Variants in RIN2 observed in about 807,000 individuals in gnomAD.
RIN2 encodes RAB5 interacting protein 2.
Under a neutral mutation model 78.0 loss-of-function variants are expected in RIN2, and 36 were observed. The observed-to-expected ratio is 0.46, with a 90% CI of 0.35 to 0.61. The LOEUF (loss-of-function observed/expected upper bound fraction) is 0.61. Among genes scored for constraint, RIN2 ranks in the 20% least tolerant of loss-of-function variants. The probability of loss-of-function intolerance (pLI) is 0.00; values close to 1 mark genes in which losing one functional copy is unlikely to be tolerated. For synonymous variants in RIN2, 466 were observed against 466.8 expected (o/e 1.00, Z 0.02); for missense variants, 1,087 against 1,159.7 (o/e 0.94, Z 0.91).
intron 2 of RIN2, among the ~76,000 whole-genome samples, chr20:19,869,994 A>C (rs1392583212): frequency 1.3e-5 from 2 of 151,976 alleles, no homozygotes; most frequent in African/African-American, 4.8e-5. Flanking sequence ...TGGCAAGAAT[A>C]GTTCTGAGGA....
In RIN2 at chr20:19,768,922, C is replaced by CTT. The variant is rs778608472; in HGVS notation, c.-163+10611_-163+10612dup. The stretch of plus-strand genomic sequence containing the variant: ...CTTGGAAATACTTTGCTTTCTGTTT[C>CTT]TTTTTTTTTTTTTTTTTGAGACCGA... On this transcript the variant is annotated intron_variant, in intron 1 of 12. Transcript: ENST00000255006. Among the ~76,000 whole-genome samples, 874 of 135,790 alleles carry CTT rather than the reference C, an allele frequency of 6.4e-3. 16 individuals carry two copies. Among genetic ancestry groups the CTT allele is most frequent in the African/African-American group, 0.021 (753 of 36,502 alleles). The allele number at this position is 135,790 out of a possible 152,430, so 89.1% of individuals were successfully genotyped here.
chr20:19,869,121 G>A (rs1337951185), intron 2 of RIN2, among the ~76,000 whole-genome samples: 3 of 151,344 alleles, frequency 2.0e-5, no homozygotes, highest in Non-Finnish European at 4.4e-5. Context: ...ACCAGGTGGT[G>A]AGGCATTTTA....
At chr20:19,880,392 CTTTTTTTTTTTTTT>C (rs33934712) in intron 2 of RIN2, among the ~76,000 whole-genome samples, 133 of 57,430 alleles carry the variant, frequency 2.3e-3, no homozygotes, top group Non-Finnish European at 3.5e-3. Flanking sequence ...GGAAGTCATT[CTTTTTTTTTTTTTT>C]TTTTTTTTTT....
At chr20:19,835,373 CAT>C (rs1162812338) in intron 2 of RIN2, among the ~76,000 whole-genome samples, 2 of 152,096 alleles carry the variant, frequency 1.3e-5, no homozygotes, top group African/African-American at 4.8e-5. Context: ...TTGAAGTGCT[CAT>C]GTGTAAATGT....
intron 3 of RIN2, among the ~76,000 whole-genome samples, chr20:19,901,591 A>G (rs2123636010): frequency 6.6e-6 from 1 of 152,352 alleles, no homozygotes; most frequent in South Asian, 2.1e-4. Context: ...TAGCCAAAGG[A>G]ACAAATGATC....
intron 2 of RIN2, among the ~76,000 whole-genome samples, chr20:19,880,597 G>A (rs1031843399): frequency 6.6e-6 from 1 of 151,720 alleles, no homozygotes; most frequent in Middle Eastern, 3.4e-3. Context: ...TGTGCTGCTG[G>A]GCTCAAGAGA....
In RIN2 at chr20:19,944,690, C is replaced by CTTTT. The variant is rs11474376; in HGVS notation, c.158+9498_158+9501dup. Reference sequence around the variant, plus strand: ...AACACAAAAATATCAAGAGAAGTGGCTTTTTTTTTTCTTTTTCCATCTGAA... The same window carrying CTTTT: ...AACACAAAAATATCAAGAGAAGTGGCTTTTTTTTTTTTTTCTTTTTCCATCTGAA... On this transcript the variant is annotated intron_variant, in intron 4 of 12. Coordinates refer to ENST00000255006, the MANE Select transcript of RIN2 (RefSeq NM_018993.4). Among the ~76,000 whole-genome samples the CTTTT allele has an allele frequency of 7.4e-5, 11 of 149,078 alleles. No individual in the cohort carries two copies. The East Asian group carries it at 2.2e-3, about 29-fold the overall frequency.
At chr20:19,866,717 C>A (rs1308322095) in intron 2 of RIN2, among the ~76,000 whole-genome samples, 1 of 152,094 alleles carries the variant, frequency 6.6e-6, no homozygotes, top group Non-Finnish European at 1.5e-5. Flanking sequence ...TTCCACCTCC[C>A]AGGTTCAAAT....
intron 2 of RIN2, among the ~76,000 whole-genome samples, chr20:19,818,736 AAAAAAAAGAAAGAAAGAG>A (rs2035842829): frequency 7.2e-6 from 1 of 138,860 alleles, no homozygotes; most frequent in South Asian, 2.5e-4. Context: ...CGTATCAAAA[AAAAAAAAGAAAGAAAGAG>A]AAAAAAAAAA....
rs138269482 is a variant in RIN2, at chr20:19,798,120, G to A, written c.-162-1502G>A. Among the ~76,000 whole-genome samples, 708 of 152,136 alleles carry A rather than the reference G, an allele frequency of 4.7e-3. 5 individuals are homozygous for A. Among genetic ancestry groups the A allele is most frequent in the African/African-American group, 0.016 (660 of 41,514 alleles). ...CCTGCCTTGGCCTCCCGAAGTGCTGGGATTACAGGTGTGAGCCACCACGCC... is the reference window on the plus strand; with the variant it reads ...CCTGCCTTGGCCTCCCGAAGTGCTGAGATTACAGGTGTGAGCCACCACGCC... On this transcript the variant is annotated intron_variant, in intron 1 of 12. Transcript: ENST00000255006.
chr20:19,935,917 AG>A (rs758271725), intron 4 of RIN2, among the ~76,000 whole-genome samples: 1 of 152,230 alleles, frequency 6.6e-6, no homozygotes, highest in Non-Finnish European at 1.5e-5. Context: ...CTTAGAGGCC[AG>A]ATTTGTTAAC....
rs1319465783 is a variant in RIN2, at chr20:19,994,501, CCTT to C, written c.2201-2175_2201-2173del. Among the ~76,000 whole-genome samples, 3 of 152,258 alleles carry C rather than the reference CCTT, an allele frequency of 2.0e-5. No homozygotes were observed. In the East Asian group the frequency reaches 5.8e-4, roughly 29 times the overall value. On this transcript the variant is annotated intron_variant, in intron 11 of 12. Coordinates refer to ENST00000255006, the MANE Select transcript of RIN2 (RefSeq NM_018993.4). ...GTTATAGTCTTGCTGAAATTTAAAA[CCTT>C]CTCTAATTGCATCCACATGTTTCAA...
At chr20:19,875,040 T>C (rs1440790954) in intron 2 of RIN2, among the ~76,000 whole-genome samples, 3 of 151,830 alleles carry the variant, frequency 2.0e-5, no homozygotes, top group African/African-American at 7.3e-5. Flanking sequence ...TTTGTATTTT[T>C]AGTAGAGCTG....
At chr20:19,900,438 G>A (rs981410537) in intron 3 of RIN2, among the ~76,000 whole-genome samples, 2 of 151,400 alleles carry the variant, frequency 1.3e-5, no homozygotes, top group South Asian at 4.2e-4. Flanking sequence ...AGCTGAGATT[G>A]TGCCACTGCA....
intron 4 of RIN2, among the ~76,000 whole-genome samples, chr20:19,954,488 C>T (rs572781176): frequency 2.0e-5 from 3 of 152,282 alleles, no homozygotes; most frequent in African/African-American, 4.8e-5. Flanking sequence ...GAACCCAGAG[C>T]GAAGCTGCCT....
chr20:19,783,374 G>A (rs1329760998), intron 1 of RIN2, among the ~76,000 whole-genome samples: 2 of 152,150 alleles, frequency 1.3e-5, no homozygotes, highest in East Asian at 3.9e-4. Context: ...CCACACCAGG[G>A]TTCTCTGCAA....
rs2041627521 is a variant in RIN2 at position 19,958,454 on chromosome 20, C to T, written c.351+1647C>T. ...CTCTTGCTGAAACCTGCATGGGAAA[C>T]AAGCCAGGCATGTTCTCTCCATCCA... On this transcript the variant is annotated intron_variant, in intron 5 of 12. Transcript: ENST00000255006. Among the ~76,000 whole-genome samples, 3 of 152,264 alleles carry T rather than the reference C, an allele frequency of 2.0e-5. No homozygotes were observed. The South Asian group carries it at 6.2e-4, about 31-fold the overall frequency.
chr20:19,797,400 T>C (rs1351398051), intron 1 of RIN2, among the ~76,000 whole-genome samples: 3 of 152,248 alleles, frequency 2.0e-5, no homozygotes, highest in Admixed American at 2.0e-4. Context: ...AATTTACAAT[T>C]GTGCTTGGTT....
chr20:19,772,484 T>C (rs566168803), intron 1 of RIN2, among the ~76,000 whole-genome samples: 16 of 152,312 alleles, frequency 1.1e-4, no homozygotes, highest in African/African-American at 3.8e-4. Context: ...GATGGGGCCC[T>C]TCTGAATGCA....
Sources: allele counts gnomAD v4.1 joint callset (sites outside exome capture counted in the v4.1 genomes callset), GRCh38; gene constraint gnomAD v4.1.1; transcripts MANE v1.5; gene names NCBI Gene and HGNC (gene_info 2026-07-23, HGNC 2026-07-21).